Variants in HMOX2 observed in about 807,000 individuals in gnomAD.
HMOX2 encodes the protein heme oxygenase 2, also known as heme oxygenase (decycling) 2.
Under a neutral mutation model 33.7 loss-of-function variants are expected in HMOX2, and 30 were observed. The observed-to-expected ratio is 0.89, with a 90% CI of 0.67 to 1.21. The LOEUF (loss-of-function observed/expected upper bound fraction) is 1.21, where lower values mean the gene tolerates loss of function less well. HMOX2 is among the 50% of genes most tolerant of loss of function. The pLI, the probability that HMOX2 is intolerant of heterozygous loss-of-function variation, is 0.00. For missense variants in HMOX2, 403 were observed against 399.1 expected (o/e 1.01, Z -0.08); for synonymous variants, 155 against 155.0 (o/e 1.00, Z 0.00).
intron 1 of HMOX2, among the ~76,000 whole-genome samples, chr16:4,478,146 A>C (rs955413228): frequency 6.6e-6 from 1 of 152,166 alleles, no homozygotes; most frequent in Non-Finnish European, 1.5e-5. Context: ...TGATTCCTCC[A>C]TTGTCTGACT....
At chr16:4,493,340 G>C (rs2058347984) in intron 1 of HMOX2, among the ~76,000 whole-genome samples, 2 of 152,170 alleles carry the variant, frequency 1.3e-5, no homozygotes, top group African/African-American at 4.8e-5. Flanking sequence ...ACAGACATGA[G>C]CCACTGGGCT....
In HMOX2 at chr16:4,510,061, T is replaced by C. The variant is rs2058799358; in HGVS notation, c.*305T>C. The stretch of plus-strand genomic sequence containing the variant: ...GCCCTAGGCTGCTTCCGGTAGTCCC[T>C]GTTTTTGCAGTACATGGGTGACTAT... On this transcript the variant is annotated 3_prime_UTR_variant, in exon 6 of 6. Coordinates refer to ENST00000570646, the MANE Select transcript of HMOX2 (RefSeq NM_002134.4). The C allele has an allele frequency of 2.4e-6, 1 of 421,334 alleles. No homozygotes were observed. Among genetic ancestry groups the C allele is most frequent in the East Asian group, 4.0e-5 (1 of 25,198 alleles). The allele number at this position is 421,334 out of a possible 1,614,324, so 26.1% of individuals were successfully genotyped here. A position where few individuals can be genotyped will look rare whatever the true frequency, so the allele number is the denominator to read the frequency against.
intron 1 of HMOX2, among the ~76,000 whole-genome samples, chr16:4,489,407 C>T (rs867632710): frequency 2.0e-5 from 3 of 152,264 alleles, no homozygotes; most frequent in South Asian, 2.1e-4. Context: ...GCCTCAGCCT[C>T]GCGAGTAGCT....
chr16:4,479,726 A>ATTTTTTTTTTTTT (rs58936845), intron 1 of HMOX2, among the ~76,000 whole-genome samples: 3 of 79,876 alleles, frequency 3.8e-5, no homozygotes, highest in South Asian at 4.5e-4. Flanking sequence ...TTCTTATTCT[A>ATTTTTTTTTTTTT]TTTTTTTTTT....
rs2058799593 is a variant in HMOX2 at position 4,510,064 on chromosome 16, T to G, written c.*308T>G. 1 of 415,506 alleles carries G rather than the reference T, an allele frequency of 2.4e-6. No individual in the cohort carries two copies. The highest frequency in any genetic ancestry group is 3.8e-5 in the Admixed American group (1 of 26,418). 25.7% of individuals were successfully genotyped at this position (415,506 alleles called of 1,614,324 possible). On this transcript the variant is annotated 3_prime_UTR_variant, in exon 6 of 6. Coordinates refer to ENST00000570646, the MANE Select transcript of HMOX2 (RefSeq NM_002134.4). ...CTAGGCTGCTTCCGGTAGTCCCTGT[T>G]TTTGCAGTACATGGGTGACTATCTC... is the stretch of plus-strand genomic sequence containing the variant.
chr16:4,498,954 G>A (rs1406529406), intron 1 of HMOX2, among the ~76,000 whole-genome samples: 1 of 152,176 alleles, frequency 6.6e-6, no homozygotes, highest in African/African-American at 2.4e-5. Context: ...CAAACATGTG[G>A]CTCAGCCAAT....
At chr16:4,486,323 C>G (rs778020398) in intron 1 of HMOX2, among the ~76,000 whole-genome samples, 1 of 152,208 alleles carries the variant, frequency 6.6e-6, no homozygotes, top group Non-Finnish European at 1.5e-5. Context: ...CAAAGGACAG[C>G]GTGTCCCCAT....
chr16:4,474,841 T>G (rs2057770186), upstream of HMOX2: 1 of 152,256 alleles, frequency 6.6e-6, no homozygotes, highest in African/African-American at 2.4e-5. Flanking sequence ...AACATCTTAA[T>G]TTTCAGGTAT....
At chr16:4,477,398 C>T (rs933898832) in intron 1 of HMOX2, among the ~76,000 whole-genome samples, 3 of 147,684 alleles carry the variant, frequency 2.0e-5, no homozygotes, top group African/African-American at 7.5e-5. Flanking sequence ...ACTTAGGAGG[C>T]TGAGGCAGGA....
chr16:4,494,315 CAAAA>C (rs766292138), intron 1 of HMOX2, among the ~76,000 whole-genome samples: 1 of 79,512 alleles, frequency 1.3e-5, no homozygotes. Flanking sequence ...GACTCTGCCA[CAAAA>C]AAAAAAAAAA....
intron 1 of HMOX2, chr16:4,496,000 GGTT>G (rs1209630316): frequency 2.0e-5 from 3 of 152,218 alleles, no homozygotes; most frequent in Non-Finnish European, 4.4e-5. Flanking sequence ...AATCTTCTCA[GGTT>G]GTTGTGTAAT....
chr16:4,508,565 T>C lies in HMOX2; in HGVS notation c.696+361T>C, dbSNP rs567219592. Among the ~76,000 whole-genome samples the C allele has an allele frequency of 1.5e-4, 23 of 152,242 alleles. 1 individual carries two copies. The highest frequency in any genetic ancestry group is 5.8e-4 in the East Asian group (3 of 5,180). On this transcript the variant is annotated intron_variant, in intron 4 of 5. Transcript: ENST00000570646. ...TGAGAAGCCCTGCTTTATAAGTTAA[T>C]AGAGAGCCAGTGCCACCAAGGAGAG...
intron 1 of HMOX2, among the ~76,000 whole-genome samples, chr16:4,490,828 T>C (rs2058286907): frequency 1.3e-5 from 2 of 152,252 alleles, no homozygotes; most frequent in African/African-American, 4.8e-5. Flanking sequence ...TGTCCTCTTT[T>C]GAATGCACAC....
chr16:4,482,998 C>T (rs1028121630), intron 1 of HMOX2, among the ~76,000 whole-genome samples: 2 of 152,028 alleles, frequency 1.3e-5, no homozygotes, highest in African/African-American at 4.8e-5. Context: ...CCACCGCACT[C>T]CATCCAGCCT....
At chr16:4,485,614 CTTCTTAGAGCACTCAGGG>C (rs1388853071) in intron 1 of HMOX2, among the ~76,000 whole-genome samples, 1 of 152,126 alleles carries the variant, frequency 6.6e-6, no homozygotes, top group Middle Eastern at 3.2e-3. Flanking sequence ...AGAAGAAACC[CTTCTTAGAGCACTCAGGG>C]TCTTACTGAA....
intron 1 of HMOX2, among the ~76,000 whole-genome samples, chr16:4,491,100 T>C (rs2058294998): frequency 6.6e-6 from 1 of 152,224 alleles, no homozygotes; most frequent in African/African-American, 2.4e-5. Flanking sequence ...TGGCCCCCAG[T>C]GGAGAAACAC....
At chr16:4,484,529 C>T (rs548737677) in intron 1 of HMOX2, among the ~76,000 whole-genome samples, 6 of 138,872 alleles carry the variant, frequency 4.3e-5, no homozygotes, top group South Asian at 2.3e-4. Context: ...GGTACGATTT[C>T]GGCTCACTGC....
intron 1 of HMOX2, among the ~76,000 whole-genome samples, chr16:4,489,681 A>G (rs1048428728): frequency 6.6e-6 from 1 of 151,736 alleles, no homozygotes; most frequent in Non-Finnish European, 1.5e-5. Context: ...CTGGTCTGGA[A>G]CTCCTGTACT....
At position 4,509,911 on chromosome 16, in the gene HMOX2, C is replaced by T. The variant is rs2058796303; in HGVS notation, c.*155C>T. The T allele has an allele frequency of 1.3e-6, 1 of 787,296 alleles. No homozygotes were observed. Among genetic ancestry groups the T allele is most frequent in the Non-Finnish European group, 2.0e-6 (1 of 502,032 alleles). The allele number at this position is 787,296 out of a possible 1,614,324, so 48.8% of individuals were successfully genotyped here. On this transcript the variant is annotated 3_prime_UTR_variant, in exon 6 of 6. Transcript: ENST00000570646. ...AAAAGCCAGATGCTAGAGCCTCTGC[C>T]TGACAGCATCCTCTCTATGGGCCAT...
Sources: allele counts gnomAD v4.1 joint callset (sites outside exome capture counted in the v4.1 genomes callset), GRCh38; gene constraint gnomAD v4.1.1; transcripts MANE v1.5; gene names NCBI Gene and HGNC (gene_info 2026-07-23, HGNC 2026-07-21).